The following MDM4 variants were observed in gnomAD, a reference collection of about 807,000 sequenced individuals.
The protein encoded by MDM4 is MDM4 regulator of p53, also known as protein Mdm4.
A neutral mutation model predicts 60.2 loss-of-function variants in MDM4; 2 were observed. The ratio of observed to expected loss-of-function variants is 0.03; its 90% confidence interval spans 0.01 to 0.10. The LOEUF is 0.10. Ranked by LOEUF, MDM4 falls within the 10% of genes least tolerant of loss-of-function variation. The pLI is 1.00. For missense variants in MDM4, 447 were observed against 577.5 expected, an observed-to-expected ratio of 0.77 and a Z score of 2.32; for synonymous variants, 202 against 198.1, an observed-to-expected ratio of 1.02 and a Z score of -0.17.
chr1:204,549,501 A>C lies in MDM4; in HGVS notation c.1292A>C (p.Gln431Pro), dbSNP rs777864820. 2 of 1,610,928 alleles carry C rather than the reference A, an allele frequency of 1.2e-6. No homozygotes were observed. Among genetic ancestry groups the C allele is most frequent in the Non-Finnish European group, 1.7e-6 (2 of 1,179,154 alleles). ...RTDTENMEDC[Q>P]NLLKPCSLCE... ...GATACAGAAAACATGGAGGATTGCC[A>C]GAATCTCTTGAAGCCATGTAGCTTA... Residue 431 changes from glutamine to proline, a missense_variant, in exon 11 of 11, where the codon CAG becomes CCG. By Grantham distance (76) the Gln-to-Pro change is moderately conservative. Around this residue, in one of 8 missense-constraint regions of MDM4, gnomAD observed 117 missense variants for 114.5 expected, o/e 1.02. Transcript: ENST00000367182.
intron 1 of MDM4, among the ~76,000 whole-genome samples, chr1:204,519,135 C>T (rs983193168): frequency 3.2e-4 from 49 of 152,166 alleles, no homozygotes; most frequent in African/African-American, 1.2e-3. Flanking sequence ...TACGACTAAA[C>T]AGTGCAAGAT....
rs1398537438 is a variant in MDM4 at position 204,554,488 on chromosome 1, A to G, written c.*4806A>G. The G allele has an allele frequency of 4.4e-6, 1 of 225,340 alleles. No individual in the cohort carries two copies. The highest frequency in any genetic ancestry group is 2.2e-5 in the African/African-American group (1 of 44,970). The allele number at this position is 225,340 out of a possible 1,614,324, so 14.0% of individuals were successfully genotyped here. A position where few individuals can be genotyped will look rare whatever the true frequency, so the allele number is the denominator to read the frequency against. On this transcript the variant is annotated 3_prime_UTR_variant, in exon 11 of 11. Transcript: ENST00000367182. ...ACTAGCTATGTTTTTAGAATCAAAG[A>G]TGAACCGGTAAGCTGTCTCATGTAC...
rs1663194624 is a variant in MDM4 at position 204,551,459 on chromosome 1, CTCTTTTTTTTTT to C, written c.*1779_*1790del. On this transcript the variant is annotated 3_prime_UTR_variant, in exon 11 of 11. Coordinates refer to ENST00000367182, the MANE Select transcript of MDM4 (RefSeq NM_002393.5). ...ATATACTGGATGGTTGAGAGGCAGC[CTCTTTTTTTTTT>C]TTTTTTTTTTTTTTTTTTTGGAGGA... 2.6e-5 allele frequency: 4 copies of C among 151,656 alleles called. No homozygotes were observed. The highest frequency in any genetic ancestry group is 3.3e-5 in the Non-Finnish European group (3 of 90,784). 9.4% of individuals were successfully genotyped at this position (151,656 alleles called of 1,614,324 possible).
rs763354177 is a variant in MDM4, at chr1:204,538,258, A to C, written c.461A>C (p.Asp154Ala). ...STSRKRTTED[D>A]IPTLPTSEHK... is the part of the protein sequence containing the mutation. ...TCCAGAAAAAGAACTACAGAAGACGATATCCCCACACTGCCTACCTCAGAG... is the reference window on the plus strand; with the variant it reads ...TCCAGAAAAAGAACTACAGAAGACGCTATCCCCACACTGCCTACCTCAGAG... Residue 154 changes from aspartate (D) to alanine (A), a missense_variant, in exon 7 of 11, where the codon GAT becomes GCT. By Grantham distance (126) the Asp-to-Ala change is moderately radical (BLOSUM62 -2). This residue lies in a region of MDM4 where 184 missense variants were observed against 179.3 expected (regional missense o/e 1.03). Coordinates refer to ENST00000367182, the MANE Select transcript of MDM4 (RefSeq NM_002393.5). 6.2e-7 allele frequency: 1 copy of C among 1,612,004 alleles called. No homozygotes were observed. Among genetic ancestry groups the C allele is most frequent in the South Asian group, 1.1e-5 (1 of 91,038 alleles).
At chr1:204,526,325 A>G (rs747229720) in intron 2 of MDM4, 35 bp from the exon 3 acceptor site, 172 of 1,555,984 alleles carry the variant, frequency 1.1e-4, no homozygotes, top group Non-Finnish European at 1.4e-4. Flanking sequence ...CCTACTTGAA[A>G]TGTAAATAGC....
At chr1:204,525,704 G>A (rs1181106767) in intron 2 of MDM4, 108 bp downstream of exon 2, 3 of 737,986 alleles carry the variant, frequency 4.1e-6, no homozygotes, top group Non-Finnish European at 6.5e-6. Flanking sequence ...AGTCAAGGCA[G>A]GAAGCTTACT....
chr1:204,517,619 C>T (rs1413374024), intron 1 of MDM4, among the ~76,000 whole-genome samples: 8 of 151,986 alleles, frequency 5.3e-5, no homozygotes, highest in Non-Finnish European at 5.9e-5. Flanking sequence ...CCAGGCTGTT[C>T]TCGAACTCCA....
intron 8 of MDM4, among the ~76,000 whole-genome samples, chr1:204,543,896 G>C (rs1400570909): frequency 6.6e-6 from 1 of 152,090 alleles, no homozygotes; most frequent in African/African-American, 2.4e-5. Context: ...CCATTACCTG[G>C]TACCTAGAAC....
In MDM4 at chr1:204,556,634, T is replaced by G. The variant is rs1663556819; in HGVS notation, c.*6952T>G. On this transcript the variant is annotated 3_prime_UTR_variant, in exon 11 of 11. Coordinates refer to ENST00000367182, the MANE Select transcript of MDM4 (RefSeq NM_002393.5). ...TCGCTTGAGCCTGGGAGGTGGAGGT[T>G]GCAGTGAGCTGAGATGGCACCACTG... 2 of 203,472 alleles carry G rather than the reference T, an allele frequency of 9.8e-6. No homozygotes were observed. Among genetic ancestry groups the G allele is most frequent in the Non-Finnish European group, 2.0e-5 (2 of 99,390 alleles). The allele number at this position is 203,472 out of a possible 1,614,324, so 12.6% of individuals were successfully genotyped here.
At chr1:204,518,293 C>G (rs2102275331) in intron 1 of MDM4, among the ~76,000 whole-genome samples, 1 of 152,320 alleles carries the variant, frequency 6.6e-6, no homozygotes, top group Non-Finnish European at 1.5e-5. Context: ...ATAGCTGGGA[C>G]TACAGGCACA....
At position 204,551,461 on chromosome 1, in the gene MDM4, CTTTTTTTTTTTTT is replaced by C. The variant is rs56047802; in HGVS notation, c.*1796_*1808del. ...ATACTGGATGGTTGAGAGGCAGCCT[CTTTTTTTTTTTTT>C]TTTTTTTTTTTTTTTTGGAGGATAG... On this transcript the variant is annotated 3_prime_UTR_variant, in exon 11 of 11. Coordinates refer to ENST00000367182, the MANE Select transcript of MDM4 (RefSeq NM_002393.5). 35 of 91,504 alleles carry C rather than the reference CTTTTTTTTTTTTT, an allele frequency of 3.8e-4. No homozygotes were observed. Among genetic ancestry groups the C allele is most frequent in the South Asian group, 2.9e-3 (5 of 1,728 alleles). The allele number at this position is 91,504 out of a possible 1,614,324, so 5.7% of individuals were successfully genotyped here. A position where few individuals can be genotyped will look rare whatever the true frequency, so the allele number is the denominator to read the frequency against.
chr1:204,532,588 C>T lies in MDM4; in HGVS notation c.343+342C>T, dbSNP rs565279661. On this transcript the variant is annotated intron_variant, in intron 5 of 10. Coordinates refer to ENST00000367182, the MANE Select transcript of MDM4 (RefSeq NM_002393.5). Reference sequence around the variant, plus strand: ...AAATTTAACATGTAATTCCATAATCCTATTTCATAGCCAGTTTATGTATCA... The same window carrying T: ...AAATTTAACATGTAATTCCATAATCTTATTTCATAGCCAGTTTATGTATCA... 2.2e-5 allele frequency: 13 copies of T among 596,668 alleles called. No homozygotes were observed. The South Asian group carries it at 2.7e-4, about 12-fold the overall frequency. 37.0% of individuals were successfully genotyped at this position (596,668 alleles called of 1,614,324 possible). A position where few individuals can be genotyped will look rare whatever the true frequency, so the allele number is the denominator to read the frequency against.
At chr1:204,524,179 G>A (rs1452454872) in intron 1 of MDM4, among the ~76,000 whole-genome samples, 4 of 152,176 alleles carry the variant, frequency 2.6e-5, no homozygotes, top group Non-Finnish European at 5.9e-5. Flanking sequence ...AAGAACAGGG[G>A]AGCTGAACAT....
At chr1:204,531,657 G>A (rs1660864723) in intron 4 of MDM4, among the ~76,000 whole-genome samples, 1 of 151,866 alleles carries the variant, frequency 6.6e-6, no homozygotes. Context: ...TAAGTGAAAC[G>A]CCGTCTCTAC....
In MDM4 at chr1:204,528,754, A is replaced by G. The variant is rs4252689; in HGVS notation, c.154-1930A>G. 1.7e-3 allele frequency: 1,318 copies of G among 764,090 alleles called. 16 individuals are homozygous for G. The African/African-American group carries it at 0.02, about 12-fold the overall frequency. The allele number at this position is 764,090 out of a possible 1,614,324, so 47.3% of individuals were successfully genotyped here. ...AGGGAGAATGTTCTTCTAGAGGGACAGGAAAAGAAGAGAGAGGTCCACGTA... is the reference window on the plus strand; with the variant it reads ...AGGGAGAATGTTCTTCTAGAGGGACGGGAAAAGAAGAGAGAGGTCCACGTA... On this transcript the variant is annotated intron_variant, in intron 3 of 10. Transcript: ENST00000367182.
In MDM4 at chr1:204,538,192, C is replaced by T. The variant is rs751129797; in HGVS notation, c.412-17C>T. On this transcript the variant is annotated splice_polypyrimidine_tract_variant and intron_variant, in intron 6 of 10. Coordinates refer to ENST00000367182, the MANE Select transcript of MDM4 (RefSeq NM_002393.5). ...GTTATTTCTACTGCACTGATGGACA[C>T]CTTTCCCTTCTTTCAGCAAAGTGCA... 19 of 1,456,484 alleles carry T rather than the reference C, an allele frequency of 1.3e-5. No homozygotes were observed. The highest frequency in any genetic ancestry group is 6.8e-5 in the East Asian group (3 of 44,174). 90.2% of individuals were successfully genotyped at this position (1,456,484 alleles called of 1,614,324 possible).
At chr1:204,544,274 G>A (rs4252726) in intron 8 of MDM4, among the ~76,000 whole-genome samples, 57,686 of 152,116 alleles carry the variant, frequency 0.38, 13,010 homozygotes, top group Non-Finnish European at 0.48. Context: ...AAACTCTTCA[G>A]TACTGTTTCT....
At position 204,538,768 on chromosome 1, in the gene MDM4, C is replaced by T. The variant is rs534895644; in HGVS notation, c.511+460C>T. ...TCACCCAGGTTGGAGTGCAGCAGTG[C>T]GATCTCAGCTCACTGCGACCTCCAC... On this transcript the variant is annotated intron_variant, in intron 7 of 10. Transcript: ENST00000367182. Among the ~76,000 whole-genome samples the T allele has an allele frequency of 4.0e-5, 6 of 149,874 alleles. No homozygotes were observed. In the South Asian group the frequency reaches 6.3e-4, roughly 16 times the overall value.
chr1:204,543,480 C>T (rs749334894), intron 8 of MDM4, among the ~76,000 whole-genome samples: 1 of 152,234 alleles, frequency 6.6e-6, no homozygotes, highest in Non-Finnish European at 1.5e-5. Flanking sequence ...TCCTTTCTGA[C>T]ACTGTAGCCC....
Sources: gnomAD v4.1 joint callset for allele counts (sites outside exome capture counted in the v4.1 genomes callset) on GRCh38, gnomAD v4.1.1 for gene constraint, gnomAD v4.1.1 regional missense constraint, MANE v1.5 for transcripts, NCBI Gene and HGNC (gene_info 2026-07-23, HGNC 2026-07-21) for gene names.